RGS6: variants seen among roughly 807,000 people sequenced by gnomAD.
RGS6 encodes the protein regulator of G protein signaling 6, also known as regulator of G-protein signaling 6.
In RGS6, 30 loss-of-function variants were observed where a neutral mutation model predicts 78.5. That is an observed-to-expected ratio of 0.38 (90% confidence interval 0.29 to 0.52). RGS6 has a LOEUF of 0.52. Ranked by LOEUF, RGS6 falls within the 20% of genes least tolerant of loss-of-function variation. The probability of loss-of-function intolerance (pLI) is 0.85; values close to 1 mark genes in which losing one functional copy is unlikely to be tolerated. For missense variants in RGS6, 495 were observed against 609.7 expected (o/e 0.81, Z 1.98); for synonymous variants, 206 against 206.0 (o/e 1.00, Z 0.00).
At chr14:71,980,390 C>A (rs952896504) in intron 2 of RGS6, among the ~76,000 whole-genome samples, 1 of 151,126 alleles carries the variant, frequency 6.6e-6, no homozygotes, top group African/African-American at 2.4e-5. Context: ...GATTTTGCAG[C>A]GGCTGGTACC....
At chr14:72,461,644 A>C (rs2095785353) in intron 6 of RGS6, among the ~76,000 whole-genome samples, 1 of 152,066 alleles carries the variant, frequency 6.6e-6, no homozygotes, top group East Asian at 1.9e-4. Context: ...GTGAGCTATG[A>C]TTGTGCCACT....
At chr14:71,985,895 C>T (rs150825503) in intron 2 of RGS6, among the ~76,000 whole-genome samples, 138 of 152,274 alleles carry the variant, frequency 9.1e-4, no homozygotes, top group African/African-American at 3.2e-3. Context: ...TTCTACTCCC[C>T]ACAGCATTTT....
chr14:72,459,583 G>A, intron 5 of RGS6, 49 bp from the exon 6 acceptor site: 1 of 1,600,994 alleles, frequency 6.2e-7, no homozygotes, highest in Non-Finnish European at 8.6e-7. Flanking sequence ...TGGGAGGGAA[G>A]CGCAGGCATG....
intron 2 of RGS6, among the ~76,000 whole-genome samples, chr14:72,155,189 C>T (rs370657292): frequency 6.6e-5 from 10 of 152,246 alleles, no homozygotes; most frequent in Non-Finnish European, 1.0e-4. Flanking sequence ...TTCTGGAACC[C>T]GGATTCTTGT....
chr14:72,122,913 A>G (rs1217421767), intron 2 of RGS6, among the ~76,000 whole-genome samples: 1 of 152,186 alleles, frequency 6.6e-6, no homozygotes, highest in Non-Finnish European at 1.5e-5. Context: ...ATCTTTCATC[A>G]TTAAGATAAG....
At chr14:72,262,537 T>C (rs893120550) in intron 2 of RGS6, among the ~76,000 whole-genome samples, 18 of 152,298 alleles carry the variant, frequency 1.2e-4, no homozygotes, top group African/African-American at 4.3e-4. Flanking sequence ...TATCTCTACA[T>C]ATATTCACAT....
chr14:72,236,419 C>G (rs1167086166), intron 2 of RGS6, among the ~76,000 whole-genome samples: 1 of 152,134 alleles, frequency 6.6e-6, no homozygotes, highest in African/African-American at 2.4e-5. Context: ...AAAATGTGCG[C>G]ACAGCAACAT....
chr14:72,156,394 C>T (rs2096770870), intron 2 of RGS6, among the ~76,000 whole-genome samples: 1 of 140,616 alleles, frequency 7.1e-6, no homozygotes, highest in South Asian at 2.2e-4. Flanking sequence ...TGCAGTGAGC[C>T]AAGATCCCAC....
chr14:72,579,818 G>A, the RGS6 span, among the ~76,000 whole-genome samples: 2 of 152,188 alleles, frequency 1.3e-5, no homozygotes, highest in Admixed American at 6.5e-5. Flanking sequence ...CCACCTGGAG[G>A]CCACTGAAGT....
chr14:72,411,164 A>AAATTACCT (rs2093382478), intron 3 of RGS6, among the ~76,000 whole-genome samples: 2 of 152,110 alleles, frequency 1.3e-5, no homozygotes, highest in Non-Finnish European at 2.9e-5. Flanking sequence ...CTTGGGCGGT[A>AAATTACCT]TGGCCATTTT....
intron 12 of RGS6, among the ~76,000 whole-genome samples, chr14:72,479,210 C>A (rs1261872023): frequency 6.6e-6 from 1 of 152,116 alleles, no homozygotes; most frequent in Non-Finnish European, 1.5e-5. Flanking sequence ...TGATTCACAT[C>A]TTTTTTCTAG....
At chr14:71,930,282 G>A (rs2087784268), upstream of RGS6, among the ~76,000 whole-genome samples, 1 of 152,100 alleles carries the variant, frequency 6.6e-6, no homozygotes, top group African/African-American at 2.4e-5. Context: ...TTCTCCAGCA[G>A]TGAGATGACT....
chr14:72,006,512 G>C (rs2084590956), intron 2 of RGS6, among the ~76,000 whole-genome samples: 1 of 152,206 alleles, frequency 6.6e-6, no homozygotes, highest in Admixed American at 6.5e-5. Context: ...TATGCAGAGA[G>C]GCTCATGTGG....
intron 2 of RGS6, among the ~76,000 whole-genome samples, chr14:72,036,153 A>G (rs2091664022): frequency 1.3e-5 from 2 of 151,672 alleles, no homozygotes; most frequent in South Asian, 4.2e-4. Flanking sequence ...GGCGTCTTTC[A>G]CTCTGCATAA....
chr14:72,487,567 AG>A (rs2096511711), intron 12 of RGS6, among the ~76,000 whole-genome samples: 1 of 152,166 alleles, frequency 6.6e-6, no homozygotes, highest in Non-Finnish European at 1.5e-5. Flanking sequence ...TGGAAGAGAG[AG>A]GCAGAAGAGT....
chr14:71,919,721 C>T, the RGS6 span, among the ~76,000 whole-genome samples: 2 of 152,094 alleles, frequency 1.3e-5, no homozygotes, highest in South Asian at 2.1e-4. Context: ...AAGCTGGGCG[C>T]GGTGGCTCAC....
intron 3 of RGS6, among the ~76,000 whole-genome samples, chr14:72,381,746 A>T (rs1402460807): frequency 2.6e-5 from 4 of 152,286 alleles, no homozygotes; most frequent in Middle Eastern, 3.4e-3. Context: ...AGGAATGATA[A>T]ATACTGTGGT....
chr14:72,127,136 AG>A (rs2096213761), intron 2 of RGS6, among the ~76,000 whole-genome samples: 1 of 152,228 alleles, frequency 6.6e-6, no homozygotes, highest in African/African-American at 2.4e-5. Flanking sequence ...CATAAACTCT[AG>A]GGGCTACCCA....
chr14:72,464,337 G>A (rs1173001916), intron 6 of RGS6, among the ~76,000 whole-genome samples: 3 of 152,144 alleles, frequency 2.0e-5, no homozygotes, highest in African/African-American at 7.2e-5. Flanking sequence ...GTGAACTTGT[G>A]TGATTAAAAT....
Sources: allele counts gnomAD v4.1 joint callset (sites outside exome capture counted in the v4.1 genomes callset), GRCh38; gene constraint gnomAD v4.1.1; transcripts MANE v1.5; gene names NCBI Gene and HGNC (gene_info 2026-07-23, HGNC 2026-07-21).